The following MACROD1 variants were observed in gnomAD, a reference collection of about 807,000 sequenced individuals.
MACROD1 encodes the protein mono-ADP ribosylhydrolase 1.
In MACROD1, 31 loss-of-function variants were observed where a neutral mutation model predicts 41.4. The observed-to-expected ratio is 0.75, with a 90% confidence interval of 0.56 to 1.01. The LOEUF (loss-of-function observed/expected upper bound fraction) is 1.01. Among genes scored for constraint, MACROD1 ranks in the 50% least tolerant of loss-of-function variants. MACROD1 has a pLI of 0.00. For synonymous variants in MACROD1, 252 were observed against 203.4 expected, an observed-to-expected ratio of 1.24 and a Z score of -2.03; for missense variants, 473 against 460.0, an observed-to-expected ratio of 1.03 and a Z score of -0.26.
At chr11:64,117,075 G>T in intron 3 of MACROD1, 1 of 1,601,966 alleles carries the variant, frequency 6.2e-7, no homozygotes, top group East Asian at 2.3e-5. Flanking sequence ...CCTGCCCAGC[G>T]CCCACCTGCA....
intron 3 of MACROD1, chr11:64,148,644 T>A: frequency 1.3e-6 from 1 of 758,552 alleles, no homozygotes; most frequent in Non-Finnish European, 1.6e-6. Context: ...TAGAATTTAA[T>A]GGACACGTAT....
At chr11:64,017,189 T>C (rs1465131403) in intron 3 of MACROD1, among the ~76,000 whole-genome samples, 1 of 152,172 alleles carries the variant, frequency 6.6e-6, no homozygotes, top group Non-Finnish European at 1.5e-5. Flanking sequence ...CAAGCTGGTA[T>C]CGTACTCCTG....
chr11:64,044,478 G>A (rs368306947), intron 3 of MACROD1, among the ~76,000 whole-genome samples: 1 of 152,038 alleles, frequency 6.6e-6, no homozygotes, highest in Non-Finnish European at 1.5e-5. Context: ...TGAACTCCTG[G>A]CCTCAAGCGA....
intron 3 of MACROD1, among the ~76,000 whole-genome samples, chr11:64,034,547 G>A (rs901018815): frequency 1.3e-5 from 2 of 152,228 alleles, no homozygotes; most frequent in African/African-American, 4.8e-5. Flanking sequence ...AGCGCACAGA[G>A]GCCAGAGGCG....
chr11:64,123,204 C>T (rs1249844250), intron 3 of MACROD1, among the ~76,000 whole-genome samples: 5 of 152,286 alleles, frequency 3.3e-5, no homozygotes, highest in Non-Finnish European at 4.4e-5. Flanking sequence ...GGGTCAGTGA[C>T]GGGCGTCCGC....
chr11:64,115,467 G>T (rs1474614129), intron 3 of MACROD1, among the ~76,000 whole-genome samples: 1 of 152,030 alleles, frequency 6.6e-6, no homozygotes, highest in Non-Finnish European at 1.5e-5. Context: ...CGGAACCCAG[G>T]GCCAGGGAGG....
chr11:64,050,854 G>A (rs1281695548), intron 3 of MACROD1, among the ~76,000 whole-genome samples: 2 of 152,192 alleles, frequency 1.3e-5, no homozygotes, highest in Non-Finnish European at 2.9e-5. Context: ...CCTGACCTCA[G>A]GTGATCCGCC....
chr11:64,060,976 G>T (rs1298309588), intron 3 of MACROD1, among the ~76,000 whole-genome samples: 2 of 151,858 alleles, frequency 1.3e-5, no homozygotes, highest in Admixed American at 6.6e-5. Context: ...GCCGCCAGGC[G>T]ACCGGGCGGG....
intron 3 of MACROD1, among the ~76,000 whole-genome samples, chr11:64,104,435 C>T (rs954515623): frequency 2.0e-5 from 3 of 152,098 alleles, no homozygotes; most frequent in African/African-American, 7.2e-5. Context: ...GGGCTCTACC[C>T]AGCAGCTGGA....
Position 64,120,793 on chromosome 11 carries a change from G to T in MACROD1, c.517+30446C>A, listed in dbSNP as rs1342721388. Among the ~76,000 whole-genome samples the T allele has an allele frequency of 1.3e-5, 2 of 152,066 alleles. No homozygotes were observed. The highest frequency in any genetic ancestry group is 6.5e-5 in the Admixed American group (1 of 15,272). On this transcript the variant is annotated intron_variant, in intron 3 of 10. Transcript: ENST00000255681. This position sits in a 1 kb window ranked among gnomAD's most constrained non-coding sequence, Gnocchi z 4.5. ...GGAGAGCGTGCCCGAGGTGTGCCAC[G>T]TTGGCACAGGGGACAGAAGTCCCAG...
intron 3 of MACROD1, among the ~76,000 whole-genome samples, chr11:64,040,474 C>G (rs1943463922): frequency 1.3e-5 from 2 of 152,156 alleles, no homozygotes; most frequent in African/African-American, 4.8e-5. Flanking sequence ...TGTGGCCCAT[C>G]CATCCCCAGC....
At position 64,146,160 on chromosome 11, in the gene MACROD1, T is replaced by C. The variant is rs2134691465; in HGVS notation, c.517+5079A>G. 6.6e-6 allele frequency among the ~76,000 whole-genome samples: 1 copy of C among 152,228 alleles called. No individual in the cohort carries two copies. The highest frequency in any genetic ancestry group is 2.1e-4 in the South Asian group (1 of 4,830). On this transcript the variant is annotated intron_variant, in intron 3 of 10. Coordinates refer to ENST00000255681, the MANE Select transcript of MACROD1 (RefSeq NM_014067.4). The surrounding 1 kb of genome is among the most constrained non-coding windows in gnomAD (Gnocchi z 4.7). ...AAGAAGTCCACACACACAGGTCTGGTGCACCAGGAAACTCAAGGGCAGGGA... is the reference window on the plus strand; with the variant it reads ...AAGAAGTCCACACACACAGGTCTGGCGCACCAGGAAACTCAAGGGCAGGGA...
intron 3 of MACROD1, among the ~76,000 whole-genome samples, chr11:64,076,717 C>T (rs1044389353): frequency 6.6e-6 from 1 of 152,122 alleles, no homozygotes; most frequent in African/African-American, 2.4e-5. Context: ...TTTCAGGAGC[C>T]GGAGGTTTGA....
At chr11:64,063,554 C>T (rs1452434537) in intron 3 of MACROD1, among the ~76,000 whole-genome samples, 2 of 152,206 alleles carry the variant, frequency 1.3e-5, no homozygotes, top group Non-Finnish European at 2.9e-5. Flanking sequence ...TGCCCAGCAG[C>T]CAGCAACCTT....
intron 4 of MACROD1, among the ~76,000 whole-genome samples, chr11:64,008,104 G>A (rs1172734764): frequency 6.6e-6 from 1 of 152,258 alleles, no homozygotes; most frequent in South Asian, 2.1e-4. Flanking sequence ...TGAATACTTA[G>A]AGGCCTGGGC....
At chr11:64,001,782 G>T (rs1292223898) in intron 4 of MACROD1, 1 of 701,612 alleles carries the variant, frequency 1.4e-6, no homozygotes, top group African/African-American at 1.7e-5. Flanking sequence ...CAGAGCGGGC[G>T]TCCAGGCTGG....
intron 3 of MACROD1, among the ~76,000 whole-genome samples, chr11:64,131,148 C>T (rs1945259662): frequency 6.6e-6 from 1 of 152,224 alleles, no homozygotes; most frequent in African/African-American, 2.4e-5. Flanking sequence ...TCTAAATGCT[C>T]CCTGTCACCC....
At chr11:64,037,492 G>A (rs565815408) in intron 3 of MACROD1, among the ~76,000 whole-genome samples, 15 of 152,316 alleles carry the variant, frequency 9.8e-5, no homozygotes, top group South Asian at 2.1e-4. Flanking sequence ...TCCTCAGAAG[G>A]TTTAAAATGG....
chr11:64,141,506 C>G, intron 3 of MACROD1, among the ~76,000 whole-genome samples: 1 of 152,238 alleles, frequency 6.6e-6, no homozygotes, highest in Non-Finnish European at 1.5e-5. Flanking sequence ...CCTGGGGAGC[C>G]CTGAAACCAG....
Sources: gnomAD v4.1 joint callset for allele counts (sites outside exome capture counted in the v4.1 genomes callset) on GRCh38, gnomAD v4.1.1 for gene constraint, Gnocchi (gnomAD v3.1) non-coding constraint, MANE v1.5 for transcripts, NCBI Gene and HGNC (gene_info 2026-07-23, HGNC 2026-07-21) for gene names.